The following AGAP1 variants were observed in gnomAD, a reference collection of about 807,000 sequenced individuals.
AGAP1 encodes the protein ArfGAP with GTPase domain, ankyrin repeat and PH domain 1, also known as arf-GAP with GTPase, ANK repeat and PH domain-containing protein 1.
Under a neutral mutation model 105.3 loss-of-function variants are expected in AGAP1, and 29 were observed. The ratio of observed to expected loss-of-function variants is 0.28; its 90% CI spans 0.21 to 0.38. AGAP1 has a LOEUF of 0.38. Ranked by LOEUF, AGAP1 falls within the 10% of genes least tolerant of loss-of-function variation. The pLI is 1.00. For synonymous variants in AGAP1, 509 were observed against 485.9 expected (o/e 1.05, Z -0.63); for missense variants, 998 against 1,165.1 (o/e 0.86, Z 2.09).
In AGAP1 at chr2:235,600,752, A is replaced by G. The variant is rs1036494747; in HGVS notation, c.163+105903A>G. ...ATATTTGCTGGCAGCTGATTAAATG[A>G]TGCCCACCCAGATTGAGGGTGGGTC... is the stretch of plus-strand genomic sequence containing the variant. On this transcript the variant is annotated intron_variant, in intron 1 of 17. Coordinates refer to ENST00000304032, the MANE Select transcript of AGAP1 (RefSeq NM_001037131.3). This position sits in a 1 kb window ranked among gnomAD's most constrained non-coding sequence, Gnocchi z 4.8. Among the ~76,000 whole-genome samples, 2 of 152,128 alleles carry G rather than the reference A, an allele frequency of 1.3e-5. No homozygotes were observed. The highest frequency in any genetic ancestry group is 2.4e-5 in the African/African-American group (1 of 41,416).
At chr2:235,547,061 C>G (rs1469745416) in intron 1 of AGAP1, among the ~76,000 whole-genome samples, 1 of 152,116 alleles carries the variant, frequency 6.6e-6, no homozygotes, top group African/African-American at 2.4e-5. Flanking sequence ...GACTGTTGAA[C>G]AGGGAAAAAT....
Position 235,754,190 on chromosome 2 carries a change from C to A in AGAP1, c.673+3702C>A, listed in dbSNP as rs1340504108. On this transcript the variant is annotated intron_variant, in intron 6 of 17. Coordinates refer to ENST00000304032, the MANE Select transcript of AGAP1 (RefSeq NM_001037131.3). This position sits in a 1 kb window ranked among gnomAD's most constrained non-coding sequence, Gnocchi z 4.6. ...AATGGAAGCAAATCAGGTCCTGGGG[C>A]CTTAAGAACACACCAGCTTTGCCCA... 6.6e-6 allele frequency among the ~76,000 whole-genome samples: 1 copy of A among 152,176 alleles called. No homozygotes were observed. The highest frequency in any genetic ancestry group is 1.5e-5 in the Non-Finnish European group (1 of 68,026).
chr2:235,823,833 C>T (rs1195539902), intron 9 of AGAP1, among the ~76,000 whole-genome samples: 2 of 152,170 alleles, frequency 1.3e-5, no homozygotes, highest in Non-Finnish European at 1.5e-5. Context: ...TAAGAGACAA[C>T]ATGACCATCC....
rs3834112 is a variant in AGAP1 at position 235,723,765 on chromosome 2, C to CGTTGGTTGGTTGGTTG, written c.310+6144_310+6159dup. Among the ~76,000 whole-genome samples, 414 of 150,006 alleles carry CGTTGGTTGGTTGGTTG rather than the reference C, an allele frequency of 2.8e-3. 4 individuals carry two copies. Among genetic ancestry groups the CGTTGGTTGGTTGGTTG allele is most frequent in the East Asian group, 3.6e-3 (18 of 4,992 alleles). ...ATATGGATTGAGTGGGAGCTTTTAT[C>CGTTGGTTGGTTGGTTG]GTTGGTTGGTTGGTTGGTTGGTTGG... On this transcript the variant is annotated intron_variant, in intron 3 of 17. Transcript: ENST00000304032. This position sits in a 1 kb window ranked among gnomAD's most constrained non-coding sequence, Gnocchi z 6.2.
rs72255791 is a variant in AGAP1 at position 235,647,120 on chromosome 2, C to CA, written c.164-62042dup. 1.5e-3 allele frequency among the ~76,000 whole-genome samples: 175 copies of CA among 117,506 alleles called. 1 individual carries two copies. The highest frequency in any genetic ancestry group is 3.2e-3 in the Admixed American group (37 of 11,520). The allele number at this position is 117,506 out of a possible 152,430, so 77.1% of individuals were successfully genotyped here. A position where few individuals can be genotyped will look rare whatever the true frequency, so the allele number is the denominator to read the frequency against. On this transcript the variant is annotated intron_variant, in intron 1 of 17. Coordinates refer to ENST00000304032, the MANE Select transcript of AGAP1 (RefSeq NM_001037131.3). ...CACTGCACCACCCGAGACTCCGTCTCAAAAAAAAAAAAAAAAAGAAAAGTC... is the reference window on the plus strand; with the variant it reads ...CACTGCACCACCCGAGACTCCGTCTCAAAAAAAAAAAAAAAAAAGAAAAGTC...
rs183347929 is a variant in AGAP1 at position 235,721,513 on chromosome 2, G to C, written c.310+3869G>C. 6.6e-6 allele frequency among the ~76,000 whole-genome samples: 1 copy of C among 151,404 alleles called. No individual in the cohort carries two copies. On this transcript the variant is annotated intron_variant, in intron 3 of 17. Coordinates refer to ENST00000304032, the MANE Select transcript of AGAP1 (RefSeq NM_001037131.3). The surrounding 1 kb of genome is among the most constrained non-coding windows in gnomAD (Gnocchi z 4.5). ...TGTGTGTGTGTGTGTGTACACCTAG[G>C]TGTGTAATATATGTATGTGTACTTC...
At chr2:236,069,053 C>T (rs567636945) in intron 16 of AGAP1, among the ~76,000 whole-genome samples, 7 of 149,278 alleles carry the variant, frequency 4.7e-5, no homozygotes, top group Admixed American at 3.4e-4. Context: ...CTTGAACCCG[C>T]GAGGTGAAGG....
At position 235,660,887 on chromosome 2, in the gene AGAP1, C is replaced by T. The variant is rs910173629; in HGVS notation, c.164-48292C>T. 6.6e-6 allele frequency among the ~76,000 whole-genome samples: 1 copy of T among 152,182 alleles called. No individual in the cohort carries two copies. Among genetic ancestry groups the T allele is most frequent in the African/African-American group, 2.4e-5 (1 of 41,428 alleles). On this transcript the variant is annotated intron_variant, in intron 1 of 17. Transcript: ENST00000304032. The surrounding 1 kb of genome is among the most constrained non-coding windows in gnomAD (Gnocchi z 5.3). ...AGCCTCAAGGTCACTTTCCCAAGGT[C>T]ACATGTGGTTTGCATCATTCTGGCC...
At position 236,000,441 on chromosome 2, in the gene AGAP1, A is replaced by C. The variant is rs140654912; in HGVS notation, c.1645+31818A>C. On this transcript the variant is annotated intron_variant, in intron 13 of 17. Transcript: ENST00000304032. The surrounding 1 kb of genome is among the most constrained non-coding windows in gnomAD (Gnocchi z 4.3). ...ACTACGCGTGACAGCTCAAATAATA[A>C]ACAGTTGTTCAGAGACAGTGGTACT... 9.5e-3 allele frequency among the ~76,000 whole-genome samples: 1,448 copies of C among 152,252 alleles called. 19 individuals carry two copies. The highest frequency in any genetic ancestry group is 0.032 in the African/African-American group (1,336 of 41,544).
rs2056219319 is a variant in AGAP1, at chr2:236,003,752, A to C, written c.1646-32809A>C. On this transcript the variant is annotated intron_variant, in intron 13 of 17. Coordinates refer to ENST00000304032, the MANE Select transcript of AGAP1 (RefSeq NM_001037131.3). The surrounding 1 kb of genome is among the most constrained non-coding windows in gnomAD (Gnocchi z 4.2). ...CTGAAACCTGACAAGGCCTGTGTGC[A>C]GCTCACTGTGGAGGGGTCACTGCTG... Among the ~76,000 whole-genome samples the C allele has an allele frequency of 6.6e-6, 1 of 151,062 alleles. No individual in the cohort carries two copies. The highest frequency in any genetic ancestry group is 1.5e-5 in the Non-Finnish European group (1 of 67,894).
At chr2:235,829,296 T>G (rs59609299) in intron 9 of AGAP1, among the ~76,000 whole-genome samples, 4,332 of 152,326 alleles carry the variant, frequency 0.028, 189 homozygotes, top group African/African-American at 0.095. Flanking sequence ...GAATTCCACT[T>G]TCGTCATCAA....
rs971333262 is a variant in AGAP1, at chr2:236,124,222, C to T, written c.*100C>T. Reference sequence around the variant, plus strand: ...CACGTGAGTCCCGTCGCATCCCCTCCCTCTTCCTGGTGGCCACCTCCCTCC... The same window carrying T: ...CACGTGAGTCCCGTCGCATCCCCTCTCTCTTCCTGGTGGCCACCTCCCTCC... On this transcript the variant is annotated 3_prime_UTR_variant, in exon 18 of 18. Coordinates refer to ENST00000304032, the MANE Select transcript of AGAP1 (RefSeq NM_001037131.3). The surrounding 1 kb of genome is among the most constrained non-coding windows in gnomAD (Gnocchi z 5.1). The T allele has an allele frequency of 2.3e-6, 3 of 1,327,022 alleles. No individual in the cohort carries two copies. The highest frequency in any genetic ancestry group is 2.1e-5 in the Admixed American group (1 of 48,162). The allele number at this position is 1,327,022 out of a possible 1,614,324, so 82.2% of individuals were successfully genotyped here.
At chr2:236,091,502 G>A (rs955657480) in intron 16 of AGAP1, among the ~76,000 whole-genome samples, 1 of 152,214 alleles carries the variant, frequency 6.6e-6, no homozygotes, top group Non-Finnish European at 1.5e-5. Flanking sequence ...CGGGCGCGGT[G>A]GCTCACTCCT....
intron 1 of AGAP1, among the ~76,000 whole-genome samples, chr2:235,511,225 C>A (rs1051295908): frequency 6.6e-6 from 1 of 151,946 alleles, no homozygotes; most frequent in South Asian, 2.1e-4. Flanking sequence ...CTGTGACCCC[C>A]TCAGCCTCTG....
chr2:235,990,844 TGTGTATTATGTCAGA>T (rs1207659597), intron 13 of AGAP1, among the ~76,000 whole-genome samples: 2 of 152,174 alleles, frequency 1.3e-5, no homozygotes, highest in African/African-American at 4.8e-5. Flanking sequence ...AATAAGTGAA[TGTGTATTATGTCAGA>T]TTGTGATCAA....
rs1948096980 is a variant in AGAP1, at chr2:235,665,469, C to A, written c.164-43710C>A. Among the ~76,000 whole-genome samples the A allele has an allele frequency of 6.6e-6, 1 of 152,174 alleles. No individual in the cohort carries two copies. Among genetic ancestry groups the A allele is most frequent in the Non-Finnish European group, 1.5e-5 (1 of 68,032 alleles). On this transcript the variant is annotated intron_variant, in intron 1 of 17. Transcript: ENST00000304032. This position sits in a 1 kb window ranked among gnomAD's most constrained non-coding sequence, Gnocchi z 5.3. ...AGAGAAATAGGGTCCCCAGTGAGTTCAGCTGGAGTGTCCCAGGCAAAGGGA... is the reference window on the plus strand; with the variant it reads ...AGAGAAATAGGGTCCCCAGTGAGTTAAGCTGGAGTGTCCCAGGCAAAGGGA...
In AGAP1 at chr2:235,979,247, C is replaced by G. The variant is rs1304324007; in HGVS notation, c.1645+10624C>G. 6.6e-6 allele frequency among the ~76,000 whole-genome samples: 1 copy of G among 150,976 alleles called. No homozygotes were observed. The highest frequency in any genetic ancestry group is 2.4e-5 in the African/African-American group (1 of 41,080). On this transcript the variant is annotated intron_variant, in intron 13 of 17. Coordinates refer to ENST00000304032, the MANE Select transcript of AGAP1 (RefSeq NM_001037131.3). This position sits in a 1 kb window ranked among gnomAD's most constrained non-coding sequence, Gnocchi z 4.5. ...CAGCTTCCTGAGTTGCTGGGATTTA[C>G]AAGCATGTATCACCACAGCCAGCTA...
intron 9 of AGAP1, among the ~76,000 whole-genome samples, chr2:235,837,609 G>A (rs1248861909): frequency 6.6e-6 from 1 of 152,080 alleles, no homozygotes. Context: ...GGTTGTTGGT[G>A]GATTAATAAG....
At chr2:235,510,337 T>G (rs1458780820) in intron 1 of AGAP1, among the ~76,000 whole-genome samples, 1 of 152,224 alleles carries the variant, frequency 6.6e-6, no homozygotes, top group Non-Finnish European at 1.5e-5. Flanking sequence ...TCAGTCAGCA[T>G]GATGATTTTT....
Sources: gnomAD v4.1 joint callset for allele counts (sites outside exome capture counted in the v4.1 genomes callset) on GRCh38, gnomAD v4.1.1 for gene constraint, Gnocchi (gnomAD v3.1) non-coding constraint, MANE v1.5 for transcripts, NCBI Gene and HGNC (gene_info 2026-07-23, HGNC 2026-07-21) for gene names.